NTM: variants seen among roughly 807,000 people sequenced by gnomAD.
NTM encodes neurotrimin.
In NTM, 13 loss-of-function variants were observed where a neutral mutation model predicts 42.1. That is an observed-to-expected ratio of 0.31 (90% confidence interval 0.20 to 0.49). The LOEUF (loss-of-function observed/expected upper bound fraction) is 0.49. Among genes scored for constraint, NTM ranks in the 20% least tolerant of loss-of-function variants. The pLI is 0.99. For missense variants in NTM, 373 were observed against 452.8 expected (o/e 0.82, Z 1.60); for synonymous variants, 187 against 179.2 (o/e 1.04, Z -0.35).
chr11:131,726,138 T>C (rs779302347), intron 1 of NTM, among the ~76,000 whole-genome samples: 14 of 152,184 alleles, frequency 9.2e-5, no homozygotes, highest in Admixed American at 4.6e-4. Context: ...AAAAGCAGAC[T>C]GGTTGTGTTT....
chr11:131,666,350 A>G lies in NTM; in HGVS notation c.83-245214A>G, dbSNP rs149382875. ...ATTGCCAGAGGGTTCCTTTATTTCAATGAAACTTACAGTTACAAACAGCTA... is the reference window on the plus strand; with the variant it reads ...ATTGCCAGAGGGTTCCTTTATTTCAGTGAAACTTACAGTTACAAACAGCTA... On this transcript the variant is annotated intron_variant, in intron 1 of 8. Coordinates refer to ENST00000683400, the MANE Select transcript of NTM (RefSeq NM_001352005.2). Among the ~76,000 whole-genome samples, 481 of 152,314 alleles carry G rather than the reference A, an allele frequency of 3.2e-3. 2 individuals are homozygous for G. Among genetic ancestry groups the G allele is most frequent in the Admixed American group, 5.2e-3 (80 of 15,310 alleles).
chr11:132,020,921 A>G (rs990997132), intron 2 of NTM, among the ~76,000 whole-genome samples: 1 of 152,012 alleles, frequency 6.6e-6, no homozygotes, highest in Non-Finnish European at 1.5e-5. Context: ...AGTTTTTTAG[A>G]TATCTAGATT....
chr11:132,260,745 G>A (rs2092796884), intron 4 of NTM, among the ~76,000 whole-genome samples: 1 of 152,224 alleles, frequency 6.6e-6, no homozygotes, highest in African/African-American at 2.4e-5. Flanking sequence ...AGATGGGAAA[G>A]CCTTCGTCTC....
At chr11:132,033,453 G>A (rs574301686) in intron 2 of NTM, among the ~76,000 whole-genome samples, 1 of 152,326 alleles carries the variant, frequency 6.6e-6, no homozygotes, top group African/African-American at 2.4e-5. Context: ...ATTTCCAGGG[G>A]AGGAGATATT....
At chr11:131,903,812 C>T (rs1010356332) in intron 1 of NTM, among the ~76,000 whole-genome samples, 1 of 152,126 alleles carries the variant, frequency 6.6e-6, no homozygotes, top group Non-Finnish European at 1.5e-5. Context: ...AATTCCAGAC[C>T]CTGGATCCCA....
intron 4 of NTM, among the ~76,000 whole-genome samples, chr11:132,285,303 G>C (rs1204552149): frequency 6.6e-6 from 1 of 152,138 alleles, no homozygotes; most frequent in Non-Finnish European, 1.5e-5. Flanking sequence ...TCCACCCTGT[G>C]GTCACAGGAC....
chr11:131,985,879 A>T (rs1320564110), intron 2 of NTM, among the ~76,000 whole-genome samples: 1 of 152,208 alleles, frequency 6.6e-6, no homozygotes, highest in Non-Finnish European at 1.5e-5. Flanking sequence ...AGGCCTGTAA[A>T]GAGTCTGTCA....
intron 1 of NTM, among the ~76,000 whole-genome samples, chr11:131,508,124 G>A (rs1041338730): frequency 6.9e-5 from 10 of 145,700 alleles, no homozygotes; most frequent in African/African-American, 2.1e-4. Context: ...GAAAATTTTC[G>A]CAACCTACTC....
chr11:131,877,722 C>T (rs1268038160), intron 1 of NTM: 2 of 152,116 alleles, frequency 1.3e-5, no homozygotes, highest in Admixed American at 6.5e-5. Flanking sequence ...TATTTAATAA[C>T]TCGTATATGT....
At position 132,091,959 on chromosome 11, in the gene NTM, C is replaced by T. The variant is rs190824152; in HGVS notation, c.168-54323C>T. 4.9e-4 allele frequency among the ~76,000 whole-genome samples: 75 copies of T among 152,302 alleles called. No individual in the cohort carries two copies. The East Asian group carries it at 0.014, about 29-fold the overall frequency. On this transcript the variant is annotated intron_variant, in intron 2 of 8. Transcript: ENST00000683400. ...AAGAAAACATAAGTATACCATCATA[C>T]GAGAGCTCTCATAACTTTTTGCCAC...
intron 2 of NTM, among the ~76,000 whole-genome samples, chr11:131,992,817 G>C (rs1593483939): frequency 6.6e-6 from 1 of 152,130 alleles, no homozygotes; most frequent in Non-Finnish European, 1.5e-5. Context: ...TGTCATAAGA[G>C]CATTTTTCCT....
chr11:131,448,121 G>A (rs372122147), intron 1 of NTM, among the ~76,000 whole-genome samples: 7 of 152,318 alleles, frequency 4.6e-5, no homozygotes, highest in South Asian at 2.1e-4. Context: ...TGGTAGCCCC[G>A]GGTGAGTGCC....
intron 1 of NTM, among the ~76,000 whole-genome samples, chr11:131,802,715 C>T (rs189764189): frequency 2.0e-5 from 3 of 152,338 alleles, no homozygotes; most frequent in Admixed American, 1.3e-4. Context: ...AAACAGAGTG[C>T]TGCGCTAACC....
intron 1 of NTM, among the ~76,000 whole-genome samples, chr11:131,811,758 G>T (rs775751947): frequency 2.0e-5 from 3 of 152,160 alleles, no homozygotes; most frequent in African/African-American, 4.8e-5. Flanking sequence ...TGACAGCATT[G>T]GTATGTGAGG....
In NTM at chr11:132,095,232, C is replaced by T. The variant is rs189406587; in HGVS notation, c.168-51050C>T. On this transcript the variant is annotated intron_variant, in intron 2 of 8. Transcript: ENST00000683400. ...ATCTGCTGCTCACACTTTTACTTCT[C>T]CCCGCCTTTCTGATTCTTTGCCTAA... Among the ~76,000 whole-genome samples, 16 of 152,282 alleles carry T rather than the reference C, an allele frequency of 1.1e-4. No homozygotes were observed. The East Asian group carries it at 3.1e-3, about 29-fold the overall frequency.
intron 3 of NTM, among the ~76,000 whole-genome samples, chr11:132,207,606 G>T (rs763440041): frequency 5.9e-5 from 9 of 152,236 alleles, no homozygotes; most frequent in Admixed American, 2.0e-4. Flanking sequence ...TATCTTCCAT[G>T]AAACCTGTCC....
At chr11:132,201,620 C>A (rs2138469930) in intron 3 of NTM, among the ~76,000 whole-genome samples, 1 of 152,304 alleles carries the variant, frequency 6.6e-6, no homozygotes, top group Non-Finnish European at 1.5e-5. Context: ...GTGAAGAAAC[C>A]TTGCATGTCA....
intron 2 of NTM, among the ~76,000 whole-genome samples, chr11:132,086,506 C>A (rs1299865274): frequency 3.9e-4 from 60 of 152,086 alleles, no homozygotes; most frequent in Non-Finnish European, 4.4e-5. Flanking sequence ...TAAGAAAGTC[C>A]TTTTAAGTCC....
At chr11:132,241,012 T>G (rs2090099964) in intron 4 of NTM, among the ~76,000 whole-genome samples, 2 of 152,336 alleles carry the variant, frequency 1.3e-5, no homozygotes, top group Non-Finnish European at 2.9e-5. Flanking sequence ...GCCAAAACTT[T>G]GTTTCACACA....
Sources: gnomAD v4.1 joint callset for allele counts (sites outside exome capture counted in the v4.1 genomes callset) on GRCh38, gnomAD v4.1.1 for gene constraint, MANE v1.5 for transcripts, NCBI Gene and HGNC (gene_info 2026-07-23, HGNC 2026-07-21) for gene names.